The following GPC5 variants were observed in gnomAD, a reference collection of about 807,000 sequenced individuals.
GPC5 encodes glypican-5.
Under a neutral mutation model 53.9 loss-of-function variants are expected in GPC5, and 47 were observed. The observed-to-expected ratio is 0.87, with a 90% confidence interval of 0.69 to 1.11. The LOEUF is 1.11. Ranked by LOEUF, GPC5 falls within the 50% of genes most tolerant of loss-of-function variation. GPC5 has a pLI of 0.00. For synonymous variants in GPC5, 286 were observed against 263.3 expected (o/e 1.09, Z -0.84); for missense variants, 748 against 713.1 (o/e 1.05, Z -0.56).
intron 6 of GPC5, among the ~76,000 whole-genome samples, chr13:92,074,556 G>A (rs1302600527): frequency 6.6e-6 from 1 of 152,142 alleles, no homozygotes; most frequent in African/African-American, 2.4e-5. Context: ...ATGAAAACTT[G>A]TCTAAAAGTG....
chr13:92,519,417 T>G (rs948877541), intron 7 of GPC5, among the ~76,000 whole-genome samples: 4 of 152,282 alleles, frequency 2.6e-5, no homozygotes, highest in Admixed American at 6.5e-5. Context: ...ACAGAAATTA[T>G]AACAAACTGT....
chr13:92,112,536 A>G (rs541819486), intron 6 of GPC5, among the ~76,000 whole-genome samples: 1 of 152,288 alleles, frequency 6.6e-6, no homozygotes, highest in Admixed American at 6.5e-5. Flanking sequence ...GAATTTGAAT[A>G]TTGCATAATC....
At chr13:91,703,575 C>T (rs946357495) in intron 3 of GPC5, among the ~76,000 whole-genome samples, 3 of 152,042 alleles carry the variant, frequency 2.0e-5, no homozygotes, top group Admixed American at 6.5e-5. Context: ...ATTTTTGAAT[C>T]TGTGTTCATA....
At chr13:92,727,969 A>T (rs188262475) in intron 7 of GPC5, among the ~76,000 whole-genome samples, 32 of 151,554 alleles carry the variant, frequency 2.1e-4, no homozygotes, top group Admixed American at 1.9e-3. Flanking sequence ...ATGCTTTATA[A>T]AAAAATCTCT....
intron 5 of GPC5, among the ~76,000 whole-genome samples, chr13:91,834,348 C>T (rs1173157039): frequency 6.6e-6 from 1 of 152,082 alleles, no homozygotes; most frequent in Non-Finnish European, 1.5e-5. Context: ...TCAATGCTAT[C>T]CCCATCAAGC....
intron 1 of GPC5, among the ~76,000 whole-genome samples, chr13:91,401,555 A>G (rs1034473928): frequency 3.3e-5 from 5 of 152,188 alleles, no homozygotes; most frequent in Non-Finnish European, 7.3e-5. Flanking sequence ...TGACTAAAAC[A>G]AACACATTTA....
intron 1 of GPC5, among the ~76,000 whole-genome samples, chr13:91,446,245 A>G (rs1018129587): frequency 6.6e-6 from 1 of 152,184 alleles, no homozygotes; most frequent in African/African-American, 2.4e-5. Context: ...ACAGGCATGT[A>G]GATATCTGTA....
In GPC5 at chr13:92,143,844, A is replaced by G. The variant is rs572358064; in HGVS notation, c.1402-986A>G. Among the ~76,000 whole-genome samples the G allele has an allele frequency of 1.6e-4, 24 of 152,198 alleles. No homozygotes were observed. In the South Asian group the frequency reaches 4.6e-3, roughly 29 times the overall value. Reference sequence around the variant, plus strand: ...GTGTTTAATTATTGTCTGCTAATTGATAATATTATTTGGAAAGTCACAGAA... The same window carrying G: ...GTGTTTAATTATTGTCTGCTAATTGGTAATATTATTTGGAAAGTCACAGAA... On this transcript the variant is annotated intron_variant, in intron 6 of 7. Transcript: ENST00000377067.
intron 7 of GPC5, among the ~76,000 whole-genome samples, chr13:92,459,930 T>C (rs1271325659): frequency 6.6e-6 from 1 of 152,196 alleles, no homozygotes; most frequent in African/African-American, 2.4e-5. Context: ...TTGTGGTTTC[T>C]TTGAAGATAA....
intron 2 of GPC5, among the ~76,000 whole-genome samples, chr13:91,487,080 A>G (rs999138319): frequency 2.0e-5 from 3 of 152,150 alleles, no homozygotes; most frequent in Non-Finnish European, 4.4e-5. Flanking sequence ...GAGGAGGGAA[A>G]GTTTCCTCTT....
At chr13:91,507,278 C>CT (rs1884994875) in intron 2 of GPC5, among the ~76,000 whole-genome samples, 1 of 152,000 alleles carries the variant, frequency 6.6e-6, no homozygotes, top group South Asian at 2.1e-4. Context: ...TCTGGGGTCT[C>CT]TTTTATAAGA....
At chr13:91,623,795 G>C (rs1015816620) in intron 2 of GPC5, among the ~76,000 whole-genome samples, 3 of 152,096 alleles carry the variant, frequency 2.0e-5, no homozygotes, top group Non-Finnish European at 4.4e-5. Flanking sequence ...TGATAATAGA[G>C]AGCAGATAGC....
chr13:92,840,114 T>C (rs1878385455), intron 7 of GPC5, among the ~76,000 whole-genome samples: 2 of 105,194 alleles, frequency 1.9e-5, no homozygotes, highest in South Asian at 5.7e-4. Flanking sequence ...TATATATATA[T>C]ATATATATAT....
chr13:92,385,399 C>CATATGT (rs1204687376), intron 7 of GPC5, among the ~76,000 whole-genome samples: 1 of 57,610 alleles, frequency 1.7e-5, no homozygotes. Context: ...TACATATATA[C>CATATGT]ACATATATAC....
At chr13:92,118,914 A>G (rs1352795531) in intron 6 of GPC5, among the ~76,000 whole-genome samples, 3 of 152,200 alleles carry the variant, frequency 2.0e-5, no homozygotes, top group African/African-American at 7.2e-5. Context: ...TGTTTTCCTA[A>G]AAGTAGAAGA....
chr13:91,525,101 C>A (rs1038402440), intron 2 of GPC5, among the ~76,000 whole-genome samples: 1 of 152,096 alleles, frequency 6.6e-6, no homozygotes, highest in South Asian at 2.1e-4. Flanking sequence ...TTCTTTCCTT[C>A]CCCTCGTAGA....
intron 7 of GPC5, among the ~76,000 whole-genome samples, chr13:92,825,957 A>G (rs1413073997): frequency 6.6e-6 from 1 of 152,074 alleles, no homozygotes; most frequent in Non-Finnish European, 1.5e-5. Context: ...TTCATTTCTC[A>G]TCTCTCCATT....
chr13:92,568,156 T>TA (rs973676707), intron 7 of GPC5, among the ~76,000 whole-genome samples: 4 of 151,740 alleles, frequency 2.6e-5, no homozygotes, highest in Non-Finnish European at 5.9e-5. Flanking sequence ...ACTCCATCTC[T>TA]AAAAAAAAGA....
chr13:92,089,954 A>C (rs1267608271), intron 6 of GPC5, among the ~76,000 whole-genome samples: 1 of 152,152 alleles, frequency 6.6e-6, no homozygotes, highest in Non-Finnish European at 1.5e-5. Flanking sequence ...ATCTTGCATA[A>C]ACTTGTTCAA....
Sources: gnomAD v4.1 joint callset for allele counts (sites outside exome capture counted in the v4.1 genomes callset) on GRCh38, gnomAD v4.1.1 for gene constraint, MANE v1.5 for transcripts, NCBI Gene and HGNC (gene_info 2026-07-23, HGNC 2026-07-21) for gene names.